The following ABCG4 variants were observed in gnomAD, a reference collection of about 807,000 sequenced individuals.
ABCG4 encodes the protein ATP-binding cassette sub-family G member 4.
In ABCG4, 35 loss-of-function variants were observed where a neutral mutation model predicts 64.6. The ratio of observed to expected loss-of-function variants is 0.54; its 90% CI spans 0.41 to 0.72. The LOEUF (loss-of-function observed/expected upper bound fraction) is 0.72, where lower values mean the gene tolerates loss of function less well. Among genes scored for constraint, ABCG4 ranks in the 30% least tolerant of loss-of-function variants. ABCG4 has a pLI of 0.00. For synonymous variants in ABCG4, 326 were observed against 348.2 expected (o/e 0.94, Z 0.71); for missense variants, 610 against 846.3 (o/e 0.72, Z 3.46).
Position 119,156,507 on chromosome 11 carries a change from G to C in ABCG4, c.810+55G>C. On this transcript the variant is annotated intron_variant, in intron 7 of 14. Transcript: ENST00000619701. The surrounding 1 kb of genome is among the most constrained non-coding windows in gnomAD (Gnocchi z 5.5). ...GGCCTGAGATGGAGGGATGGAAGGG[G>C]GTCAGTAGGGGTGCCTGGCCCGCTG... 8 of 1,614,006 alleles carry C rather than the reference G, an allele frequency of 5.0e-6. No homozygotes were observed. The highest frequency in any genetic ancestry group is 6.8e-6 in the Non-Finnish European group (8 of 1,179,942).
At chr11:119,153,625 T>TATGGAAACACAGGGGATAGGCAGG (rs1948221056) in intron 2 of ABCG4, 1 of 195,126 alleles carries the variant, frequency 5.1e-6, no homozygotes, top group Non-Finnish European at 1.1e-5. Flanking sequence ...GGAGAGGTGC[T>TATGGAAACACAGGGGATAGGCAGG]ATGGAAACAC....
rs1329733054 is a variant in ABCG4 at position 119,155,982 on chromosome 11, C to T, written c.687-347C>T. The T allele has an allele frequency of 1.9e-5, 5 of 268,354 alleles. No individual in the cohort carries two copies. The highest frequency in any genetic ancestry group is 1.7e-4 in the South Asian group (4 of 22,938). The allele number at this position is 268,354 out of a possible 1,614,324, so 16.6% of individuals were successfully genotyped here. The stretch of plus-strand genomic sequence containing the variant: ...ACCTGCTACAGCTGAGCTGAATCCG[C>T]CCCCTCTTTCACCCAGTGTTGCTAC... On this transcript the variant is annotated intron_variant, in intron 6 of 14. Coordinates refer to ENST00000619701, the MANE Select transcript of ABCG4 (RefSeq NM_022169.5). This position sits in a 1 kb window ranked among gnomAD's most constrained non-coding sequence, Gnocchi z 4.5.
Position 119,149,977 on chromosome 11 carries a change from G to GGCGCT in ABCG4, c.14_18dup (p.Glu7ArgfsTer9), listed in dbSNP as rs1948170628. On this transcript the variant is annotated frameshift_variant, in exon 2 of 15. Transcript: ENST00000619701. LOFTEE classifies it high-confidence loss of function. The surrounding 1 kb of genome is among the most constrained non-coding windows in gnomAD (Gnocchi z 8.3). ...AGGTCGGCGGCGTGATGGCGGAGAA[G>GGCGCT]GCGCTGGAGGCCGTGGGCTGTGGAC... The GGCGCT allele has an allele frequency of 6.2e-7, 1 of 1,606,748 alleles. No individual in the cohort carries two copies. Among genetic ancestry groups the GGCGCT allele is most frequent in the Non-Finnish European group, 8.5e-7 (1 of 1,179,678 alleles).
rs575624892 is a variant in ABCG4 at position 119,155,029 on chromosome 11, C to G, written c.686+114C>G. ...AGCCTCTGTTCACAGCCTCCTGGGG[C>G]CAAGATAAGGGCTTCTTCCTCATCT... is the stretch of plus-strand genomic sequence containing the variant. On this transcript the variant is annotated intron_variant, in intron 6 of 14. Coordinates refer to ENST00000619701, the MANE Select transcript of ABCG4 (RefSeq NM_022169.5). This position sits in a 1 kb window ranked among gnomAD's most constrained non-coding sequence, Gnocchi z 4.5. 253 of 1,424,058 alleles carry G rather than the reference C, an allele frequency of 1.8e-4. No homozygotes were observed. In the African/African-American group the frequency reaches 3.0e-3, roughly 17 times the overall value. 88.2% of individuals were successfully genotyped at this position (1,424,058 alleles called of 1,614,324 possible).
chr11:119,162,398 GGCC>G lies in ABCG4; in HGVS notation c.*1293_*1295del, dbSNP rs1948366792. 1 of 152,672 alleles carries G rather than the reference GGCC, an allele frequency of 6.5e-6. No homozygotes were observed. Among genetic ancestry groups the G allele is most frequent in the Non-Finnish European group, 1.5e-5 (1 of 68,112 alleles). 9.5% of individuals were successfully genotyped at this position (152,672 alleles called of 1,614,324 possible). ...CCCTCCACTGTTCCTATCAGCAGGT[GGCC>G]CCTGGGCATCAGAACAGCCTGCCCT... On this transcript the variant is annotated 3_prime_UTR_variant, in exon 15 of 15. Transcript: ENST00000619701.
At position 119,155,357 on chromosome 11, in the gene ABCG4, T is replaced by C. The variant is rs1948251901; in HGVS notation, c.686+442T>C. On this transcript the variant is annotated intron_variant, in intron 6 of 14. Transcript: ENST00000619701. The surrounding 1 kb of genome is among the most constrained non-coding windows in gnomAD (Gnocchi z 4.5). ...ATTTTTTTAAGATGGAGTCTCGCTC[T>C]GTCACCCAGGCTGGAGTGCAGTGGC... Among the ~76,000 whole-genome samples, 1 of 152,224 alleles carries C rather than the reference T, an allele frequency of 6.6e-6. No homozygotes were observed. The highest frequency in any genetic ancestry group is 2.4e-5 in the African/African-American group (1 of 41,454).
Position 119,154,697 on chromosome 11 carries a change from T to G in ABCG4, c.541-73T>G. ...AGACAATGCACTTAAGGGAGATGCT[T>G]TTTGAAGCTGGGGTGGTGCCTGGGG... On this transcript the variant is annotated intron_variant, in intron 5 of 14. Coordinates refer to ENST00000619701, the MANE Select transcript of ABCG4 (RefSeq NM_022169.5). The surrounding 1 kb of genome is among the most constrained non-coding windows in gnomAD (Gnocchi z 7.0). 6.3e-7 allele frequency: 1 copy of G among 1,586,056 alleles called. No homozygotes were observed. Among genetic ancestry groups the G allele is most frequent in the Non-Finnish European group, 8.6e-7 (1 of 1,163,016 alleles).
In ABCG4 at chr11:119,149,757, A is replaced by T. The variant is rs1377894749; in HGVS notation, c.-12-197A>T. The T allele has an allele frequency of 1.2e-6, 1 of 811,654 alleles. No individual in the cohort carries two copies. The highest frequency in any genetic ancestry group is 1.9e-6 in the Non-Finnish European group (1 of 535,822). The allele number at this position is 811,654 out of a possible 1,614,324, so 50.3% of individuals were successfully genotyped here. ...GGCTTCAAGGGGACGGGCTGGGGTC[A>T]GGCTGGAGCTGGGCTGCCCGGGACT... is the stretch of plus-strand genomic sequence containing the variant. On this transcript the variant is annotated intron_variant, in intron 1 of 14. Transcript: ENST00000619701. This position sits in a 1 kb window ranked among gnomAD's most constrained non-coding sequence, Gnocchi z 8.3.
rs146420624 is a variant in ABCG4 at position 119,158,852 on chromosome 11, A to C, written c.1360A>C (p.Met454Leu). 1 of 1,614,196 alleles carries C rather than the reference A, an allele frequency of 6.2e-7. No homozygotes were observed. Among genetic ancestry groups the C allele is most frequent in the Non-Finnish European group, 8.5e-7 (1 of 1,180,030 alleles). The change falls in exon 12 of 15, where the codon ATG becomes CTG. Residue 454 changes from methionine (M) to leucine (L), a missense_variant. Physicochemically the swap from Met to Leu is conservative, Grantham distance 15. Coordinates refer to ENST00000619701, the MANE Select transcript of ABCG4 (RefSeq NM_022169.5). The surrounding 1 kb of genome is among the most constrained non-coding windows in gnomAD (Gnocchi z 4.5). ...LTFPLEMAVF[M>L]REHLNYWYSL... The stretch of plus-strand genomic sequence containing the variant: ...AGTCCCCTTAGAGATGGCGGTCTTC[A>C]TGAGGGAGCACCTCAACTACTGGTA...
At chr11:119,159,530 C>T (rs972859541) in intron 12 of ABCG4, among the ~76,000 whole-genome samples, 7 of 152,182 alleles carry the variant, frequency 4.6e-5, no homozygotes, top group African/African-American at 1.7e-4. Context: ...AATGGAATGA[C>T]AATAGTATCT....
At position 119,156,653 on chromosome 11, in the gene ABCG4, C is replaced by T. The variant is rs1373540203; in HGVS notation, c.900C>T (p.Pro300=). The T allele has an allele frequency of 6.2e-7, 1 of 1,614,038 alleles. No homozygotes were observed. Among genetic ancestry groups the T allele is most frequent in the African/African-American group, 1.3e-5 (1 of 74,910 alleles). ...PYLKGLGLHC[P]TYHNPADFII... ...TAAAGGGACTCGGCTTGCATTGCCCCACCTACCACAACCCGGCTGACTTCA... is the reference window on the plus strand; with the variant it reads ...TAAAGGGACTCGGCTTGCATTGCCCTACCTACCACAACCCGGCTGACTTCA... Residue 300 remains proline, a synonymous_variant, in exon 8 of 15, where the codon CCC becomes CCT. Transcript: ENST00000619701. This position sits in a 1 kb window ranked among gnomAD's most constrained non-coding sequence, Gnocchi z 5.5.
chr11:119,152,610 T>C (rs1948207414), intron 2 of ABCG4, among the ~76,000 whole-genome samples: 1 of 152,192 alleles, frequency 6.6e-6, no homozygotes. Flanking sequence ...GGCAGGGCCC[T>C]CCTTGGTGGC....
Position 119,154,593 on chromosome 11 carries a change from G to A in ABCG4, c.540+18G>A. ...AGGAGCTGGTGAGTGGGGAAGGGAG[G>A]CAGTGGGACCACTCCCTTTTGTGGT... On this transcript the variant is annotated intron_variant, in intron 5 of 14. Transcript: ENST00000619701. The surrounding 1 kb of genome is among the most constrained non-coding windows in gnomAD (Gnocchi z 7.0). The A allele has an allele frequency of 1.2e-6, 2 of 1,611,578 alleles. No individual in the cohort carries two copies. Among genetic ancestry groups the A allele is most frequent in the Non-Finnish European group, 1.7e-6 (2 of 1,179,196 alleles).
intron 2 of ABCG4, 96 bp from the exon 3 acceptor site, chr11:119,153,930 A>T (rs966451417): frequency 5.0e-6 from 5 of 1,007,768 alleles, no homozygotes; most frequent in Non-Finnish European, 7.9e-6. Flanking sequence ...AGTAGGGGCT[A>T]CCTATTTCAC....
chr11:119,150,006 G>C lies in ABCG4; in HGVS notation c.41G>C (p.Gly14Ala), dbSNP rs760610599. Residue 14 changes from glycine (G) to alanine (A), a missense_variant, in exon 2 of 15, where the codon GGG (glycine) becomes GCG (alanine). Gly to Ala is a moderately conservative substitution (Grantham distance 60, BLOSUM62 0). Coordinates refer to ENST00000619701, the MANE Select transcript of ABCG4 (RefSeq NM_022169.5). The surrounding 1 kb of genome is among the most constrained non-coding windows in gnomAD (Gnocchi z 4.3). ...CTGGAGGCCGTGGGCTGTGGACTAG[G>C]GCCGGGGGCTGTGGCCATGGCCGTG... Reference protein sequence around the residue: ...KALEAVGCGLGPGAVAMAVTL... With the variant: ...KALEAVGCGLAPGAVAMAVTL... The C allele has an allele frequency of 1.6e-5, 25 of 1,611,482 alleles. No homozygotes were observed. Among genetic ancestry groups the C allele is most frequent in the Non-Finnish European group, 1.8e-5 (21 of 1,179,976 alleles).
Position 119,160,136 on chromosome 11 carries a change from A to C in ABCG4, c.1438-91A>C. ...CAGGATGGACACCCTGGGAATAGGT[A>C]TTCTAGAGGCCCAGCCTTGGGTGGA... On this transcript the variant is annotated intron_variant, in intron 12 of 14. Coordinates refer to ENST00000619701, the MANE Select transcript of ABCG4 (RefSeq NM_022169.5). This position sits in a 1 kb window ranked among gnomAD's most constrained non-coding sequence, Gnocchi z 4.6. 7.1e-7 allele frequency: 1 copy of C among 1,416,374 alleles called. No homozygotes were observed. The highest frequency in any genetic ancestry group is 9.6e-7 in the Non-Finnish European group (1 of 1,037,584). The allele number at this position is 1,416,374 out of a possible 1,614,324, so 87.7% of individuals were successfully genotyped here.
Position 119,158,489 on chromosome 11 carries a change from T to C in ABCG4, c.1168-68T>C. 6 of 1,603,736 alleles carry C rather than the reference T, an allele frequency of 3.7e-6. No homozygotes were observed. Among genetic ancestry groups the C allele is most frequent in the African/African-American group, 1.3e-5 (1 of 74,824 alleles). On this transcript the variant is annotated intron_variant, in intron 10 of 14. Transcript: ENST00000619701. The surrounding 1 kb of genome is among the most constrained non-coding windows in gnomAD (Gnocchi z 4.5). The stretch of plus-strand genomic sequence containing the variant: ...TGTGAGGGCAGCTCCGAGTTCCTAC[T>C]CCAAGTCTACTCTGTGGCTTGCCCT...
At position 119,160,380 on chromosome 11, in the gene ABCG4, C is replaced by T. The variant is rs1301582787; in HGVS notation, c.1591C>T (p.Leu531=). The T allele has an allele frequency of 6.2e-7, 1 of 1,608,310 alleles. No individual in the cohort carries two copies. The stretch of plus-strand genomic sequence containing the variant: ...GCTGATCGGAGCTGCTTCCAACTCC[C>T]TACAGGTGGGAGGGCTGGCAGTTGG... ...GLLIGAASNS[L]QVATFVGPVT... is the part of the protein sequence containing the mutation. The change falls in exon 13 of 15, where the codon CTA becomes TTA. Residue 531 remains leucine, a synonymous_variant. Transcript: ENST00000619701. The surrounding 1 kb of genome is among the most constrained non-coding windows in gnomAD (Gnocchi z 4.6).
Position 119,162,512 on chromosome 11 carries a change from A to C in ABCG4, c.*1406A>C, listed in dbSNP as rs146878304. On this transcript the variant is annotated 3_prime_UTR_variant, in exon 15 of 15. Transcript: ENST00000619701. Reference sequence around the variant, plus strand: ...TTCTGCTTCTGATTTCCCCTCCCCCAGGGCTCATTTTCCCCCTTTTTCCTG... The same window carrying C: ...TTCTGCTTCTGATTTCCCCTCCCCCCGGGCTCATTTTCCCCCTTTTTCCTG... The C allele has an allele frequency of 2.3e-4, 35 of 152,278 alleles. No homozygotes were observed. The highest frequency in any genetic ancestry group is 8.2e-4 in the African/African-American group (34 of 41,498). 9.4% of individuals were successfully genotyped at this position (152,278 alleles called of 1,614,324 possible).
Sources: gnomAD v4.1 joint callset for allele counts (sites outside exome capture counted in the v4.1 genomes callset) on GRCh38, gnomAD v4.1.1 for gene constraint, Gnocchi (gnomAD v3.1) non-coding constraint, MANE v1.5 for transcripts, NCBI Gene and HGNC (gene_info 2026-07-23, HGNC 2026-07-21) for gene names.